The following PIP4K2A variants were observed in gnomAD, a reference collection of about 807,000 sequenced individuals.
PIP4K2A encodes phosphatidylinositol-5-phosphate 4-kinase type 2 alpha.
PIP4K2A carries 14 observed loss-of-function variants against 42.9 expected under a neutral mutation model. That is an observed-to-expected ratio of 0.33 (90% CI 0.22 to 0.51). The LOEUF (loss-of-function observed/expected upper bound fraction) is 0.51. PIP4K2A is among the 20% of genes least tolerant of loss of function. The pLI is 0.97. For missense variants in PIP4K2A, 434 were observed against 519.8 expected, an observed-to-expected ratio of 0.83 and a Z score of 1.61; for synonymous variants, 192 against 192.2, an observed-to-expected ratio of 1.00 and a Z score of 0.01.
chr10:22,671,445 T>C (rs1353416782), intron 1 of PIP4K2A, among the ~76,000 whole-genome samples: 1 of 152,162 alleles, frequency 6.6e-6, no homozygotes, highest in Non-Finnish European at 1.5e-5. Flanking sequence ...ACCGTTTCAC[T>C]GAATCCTCAG....
At chr10:22,664,181 A>G (rs1167861566) in intron 1 of PIP4K2A, among the ~76,000 whole-genome samples, 3 of 66,638 alleles carry the variant, frequency 4.5e-5, no homozygotes, top group Non-Finnish European at 7.6e-5. Flanking sequence ...ATATATATAT[A>G]CATATATATA....
intron 1 of PIP4K2A, among the ~76,000 whole-genome samples, chr10:22,625,362 C>T (rs1319135854): frequency 6.6e-6 from 1 of 152,102 alleles, no homozygotes; most frequent in Non-Finnish European, 1.5e-5. Flanking sequence ...ACTGAAAATA[C>T]TTAATCTTAC....
At chr10:22,662,117 G>A (rs1839215162) in intron 1 of PIP4K2A, among the ~76,000 whole-genome samples, 1 of 152,158 alleles carries the variant, frequency 6.6e-6, no homozygotes, top group Non-Finnish European at 1.5e-5. Context: ...GAAGCAGAGG[G>A]GAAAAGCTGT....
intron 1 of PIP4K2A, among the ~76,000 whole-genome samples, chr10:22,687,537 G>A (rs1011071025): frequency 1.3e-5 from 2 of 151,720 alleles, no homozygotes; most frequent in South Asian, 2.1e-4. Context: ...TACTCGTTAC[G>A]AAAGCAGACA....
chr10:22,606,628 G>A (rs962503067), intron 3 of PIP4K2A, among the ~76,000 whole-genome samples: 1 of 152,232 alleles, frequency 6.6e-6, no homozygotes, highest in African/African-American at 2.4e-5. Context: ...TTAGGAAAGT[G>A]TGCTAACTAT....
At chr10:22,611,056 T>C (rs539926349) in intron 1 of PIP4K2A, among the ~76,000 whole-genome samples, 17 of 152,210 alleles carry the variant, frequency 1.1e-4, no homozygotes, top group Admixed American at 2.6e-4. Context: ...TTTGAAAAAA[T>C]AATGATTCAG....
chr10:22,626,829 A>G (rs774677943), intron 1 of PIP4K2A, among the ~76,000 whole-genome samples: 5 of 152,208 alleles, frequency 3.3e-5, no homozygotes, highest in South Asian at 2.1e-4. Context: ...AAATAACAAA[A>G]ATAACAAGTA....
chr10:22,560,225 C>G (rs1836653362), intron 6 of PIP4K2A, among the ~76,000 whole-genome samples: 1 of 152,294 alleles, frequency 6.6e-6, no homozygotes, highest in African/African-American at 2.4e-5. Flanking sequence ...TGACAACCCC[C>G]CTTTAACCGA....
intron 4 of PIP4K2A, among the ~76,000 whole-genome samples, chr10:22,574,232 T>G (rs1225698012): frequency 6.6e-6 from 1 of 152,218 alleles, no homozygotes; most frequent in African/African-American, 2.4e-5. Flanking sequence ...AAGCTTAGGT[T>G]TTCCTTCCTT....
chr10:22,580,887 G>A (rs1267880220), intron 4 of PIP4K2A, among the ~76,000 whole-genome samples: 1 of 152,174 alleles, frequency 6.6e-6, no homozygotes, highest in African/African-American at 2.4e-5. Flanking sequence ...TTACAGACTC[G>A]ACAGGTGCAG....
At chr10:22,574,719 A>T (rs1462258568) in intron 4 of PIP4K2A, among the ~76,000 whole-genome samples, 1 of 152,150 alleles carries the variant, frequency 6.6e-6, no homozygotes, top group African/African-American at 2.4e-5. Flanking sequence ...TTTTAATCTC[A>T]TGTAATTCCT....
chr10:22,556,626 AGTGAAT>A (rs1836557143), intron 6 of PIP4K2A, among the ~76,000 whole-genome samples: 3 of 152,192 alleles, frequency 2.0e-5, no homozygotes, highest in Admixed American at 1.3e-4. Context: ...TGGATAATTT[AGTGAAT>A]GCTGTTTTGC....
At chr10:22,556,273 C>T (rs980187570) in intron 6 of PIP4K2A, among the ~76,000 whole-genome samples, 1 of 152,038 alleles carries the variant, frequency 6.6e-6, no homozygotes, top group Non-Finnish European at 1.5e-5. Context: ...CCTGTCGTGG[C>T]GGCTCTAGTT....
At position 22,572,364 on chromosome 10, in the gene PIP4K2A, C is replaced by T. The variant is rs572458175; in HGVS notation, c.639+947G>A. ...GCCGCGGTGGTTCATGCCTATAATC[C>T]CAGCACTTTGGAAGGCCAAGGTGGG... On this transcript the variant is annotated intron_variant, in intron 5 of 9. Coordinates refer to ENST00000376573, the MANE Select transcript of PIP4K2A (RefSeq NM_005028.5). Among the ~76,000 whole-genome samples, 4 of 152,206 alleles carry T rather than the reference C, an allele frequency of 2.6e-5. No homozygotes were observed. The South Asian group carries it at 8.3e-4, about 32-fold the overall frequency.
At chr10:22,604,945 A>T (rs770628815) in intron 3 of PIP4K2A, among the ~76,000 whole-genome samples, 1 of 152,192 alleles carries the variant, frequency 6.6e-6, no homozygotes, top group Non-Finnish European at 1.5e-5. Context: ...TGCAGTATAC[A>T]GGGGCCTGCG....
intron 1 of PIP4K2A, among the ~76,000 whole-genome samples, chr10:22,616,074 AAATAAAG>A (rs1564444185): frequency 6.6e-6 from 1 of 152,200 alleles, no homozygotes; most frequent in Non-Finnish European, 1.5e-5. Flanking sequence ...AGATGACATA[AAATAAAG>A]CAGCTTTGTT....
Position 22,573,331 on chromosome 10 carries a change from A to C in PIP4K2A, c.619T>G (p.Tyr207Asp). ...RNVFSHRLSV[Y>D]RKYDLKGSTV... Reference sequence around the variant, plus strand: ...CTCACCTTTAAGTCGTATTTCCTATACACAGACAAACGGTGGCTGAATACA... The same window carrying C: ...CTCACCTTTAAGTCGTATTTCCTATCCACAGACAAACGGTGGCTGAATACA... Residue 207 changes from tyrosine to aspartate, a missense_variant, in exon 5 of 10, where the codon TAT becomes GAT. Around this residue, in one of 2 missense-constraint regions of PIP4K2A, gnomAD observed 395 missense variants for 444.5 expected, o/e 0.89. Transcript: ENST00000376573. The C allele has an allele frequency of 6.2e-7, 1 of 1,613,758 alleles. No homozygotes were observed. Among genetic ancestry groups the C allele is most frequent in the Non-Finnish European group, 8.5e-7 (1 of 1,179,686 alleles).
chr10:22,707,900 T>C (rs566895967), intron 1 of PIP4K2A, among the ~76,000 whole-genome samples: 1 of 152,336 alleles, frequency 6.6e-6, no homozygotes, highest in Non-Finnish European at 1.5e-5. Flanking sequence ...TATTTTCATT[T>C]ATTCCTTTAA....
chr10:22,559,839 G>A (rs375759282), intron 6 of PIP4K2A, among the ~76,000 whole-genome samples: 2 of 152,172 alleles, frequency 1.3e-5, no homozygotes, highest in East Asian at 3.9e-4. Context: ...GAGCAATGAC[G>A]CAAGCAAATC....
Sources: gnomAD v4.1 joint callset for allele counts (sites outside exome capture counted in the v4.1 genomes callset) on GRCh38, gnomAD v4.1.1 for gene constraint, gnomAD v4.1.1 regional missense constraint, MANE v1.5 for transcripts, NCBI Gene and HGNC (gene_info 2026-07-23, HGNC 2026-07-21) for gene names.